Variants in IRAG2 observed in about 807,000 individuals in gnomAD.
The protein encoded by IRAG2 is inositol 1,4,5-triphosphate receptor associated 2.
In IRAG2, 45 loss-of-function variants were observed where a neutral mutation model predicts 69.9. The ratio of observed to expected loss-of-function variants is 0.64; its 90% CI spans 0.51 to 0.83. The LOEUF (loss-of-function observed/expected upper bound fraction) is 0.83. Among genes scored for constraint, IRAG2 ranks in the 40% least tolerant of loss-of-function variants. The pLI is 0.00. For missense variants in IRAG2, 520 were observed against 587.0 expected, an observed-to-expected ratio of 0.89 and a Z score of 1.18; for synonymous variants, 193 against 202.4, an observed-to-expected ratio of 0.95 and a Z score of 0.40.
chr12:25,018,939 A>G (rs1237512871), intron 6 of IRAG2, among the ~76,000 whole-genome samples: 1 of 152,170 alleles, frequency 6.6e-6, no homozygotes, highest in South Asian at 2.1e-4. Context: ...ATATTGTCCA[A>G]TTGTCCCATC....
At chr12:25,022,772 A>G (rs1944591366) in intron 7 of IRAG2, among the ~76,000 whole-genome samples, 1 of 152,260 alleles carries the variant, frequency 6.6e-6, no homozygotes, top group South Asian at 2.1e-4. Context: ...TATGTACTTT[A>G]GAACATCATG....
At chr12:25,065,216 C>G (rs1265731978) in intron 4 of IRAG2, among the ~76,000 whole-genome samples, 1 of 152,118 alleles carries the variant, frequency 6.6e-6, no homozygotes, top group Non-Finnish European at 1.5e-5. Flanking sequence ...ATATAATTAC[C>G]ATTCAAAAGA....
chr12:25,017,329 C>A (rs1944538395), intron 6 of IRAG2: 38 of 1,230,964 alleles, frequency 3.1e-5, no homozygotes, highest in Non-Finnish European at 3.8e-5. Context: ...GGGGAACTTT[C>A]ATTTCTTTTT....
chr12:25,028,874 T>A (rs11047774), intron 9 of IRAG2, among the ~76,000 whole-genome samples: 39,207 of 152,088 alleles, frequency 0.26, 6,262 homozygotes, highest in Admixed American at 0.43. Flanking sequence ...CATCAATTTT[T>A]TAAAAATTAA....
intron 5 of IRAG2, among the ~76,000 whole-genome samples, chr12:25,066,727 A>G (rs1018920405): frequency 6.8e-6 from 1 of 147,794 alleles, no homozygotes; most frequent in South Asian, 2.1e-4. Context: ...CAGTGATGTG[A>G]TCTCGGCTGC....
At chr12:25,069,915 T>G (rs1946225958) in intron 6 of IRAG2, among the ~76,000 whole-genome samples, 1 of 152,116 alleles carries the variant, frequency 6.6e-6, no homozygotes, top group East Asian at 1.9e-4. Context: ...AATGCCACTT[T>G]TCTACCCAAG....
intron 6 of IRAG2, among the ~76,000 whole-genome samples, chr12:25,074,031 G>A (rs1946504551): frequency 6.6e-6 from 1 of 152,216 alleles, no homozygotes; most frequent in East Asian, 1.9e-4. Flanking sequence ...GTAGAATGAA[G>A]CACATCTAGA....
At chr12:25,039,428 G>A (rs762544304) in intron 16 of IRAG2, among the ~76,000 whole-genome samples, 2 of 152,130 alleles carry the variant, frequency 1.3e-5, no homozygotes, top group Admixed American at 6.5e-5. Flanking sequence ...AAAAGGCAGC[G>A]TCAACATTCT....
At chr12:25,099,729 C>T (rs191230628) in intron 15 of IRAG2, among the ~76,000 whole-genome samples, 8 of 152,132 alleles carry the variant, frequency 5.3e-5, no homozygotes, top group South Asian at 2.1e-4. Context: ...TGGCCGGGCG[C>T]GGTGACTCAC....
chr12:25,005,928 A>G (rs983590293), intron 2 of IRAG2, among the ~76,000 whole-genome samples: 3 of 152,204 alleles, frequency 2.0e-5, no homozygotes, highest in Non-Finnish European at 4.4e-5. Context: ...AGAAACTGTC[A>G]ATAGAGTAAA....
chr12:25,005,297 G>A (rs916334980), exon 2 of IRAG2: 1 of 1,231,566 alleles, frequency 8.1e-7, no homozygotes, highest in Non-Finnish European at 1.0e-6. Context: ...CATCAACAGG[G>A]CCTGTAAAGA....
At chr12:25,007,624 T>G (rs570209492) in intron 2 of IRAG2, among the ~76,000 whole-genome samples, 1 of 152,252 alleles carries the variant, frequency 6.6e-6, no homozygotes, top group Non-Finnish European at 1.5e-5. Context: ...CGGGTTCAAG[T>G]GATTCTCCTG....
chr12:25,086,408 C>A (rs1947610072), intron 10 of IRAG2, among the ~76,000 whole-genome samples: 1 of 152,116 alleles, frequency 6.6e-6, no homozygotes, highest in Non-Finnish European at 1.5e-5. Context: ...TGAGACAAGT[C>A]AAATTTCAGG....
intron 3 of IRAG2, among the ~76,000 whole-genome samples, chr12:25,063,106 A>G (rs1263769261): frequency 6.6e-6 from 1 of 152,228 alleles, no homozygotes; most frequent in East Asian, 1.9e-4. Flanking sequence ...TTTGTCGCCC[A>G]GGCTGGAGTG....
intron 6 of IRAG2, among the ~76,000 whole-genome samples, chr12:25,076,098 C>G (rs1460373023): frequency 2.0e-5 from 3 of 152,084 alleles, no homozygotes; most frequent in Non-Finnish European, 4.4e-5. Flanking sequence ...ATCTTCTTTA[C>G]TCTAGTTAGT....
exon 14 of IRAG2, chr12:25,035,740 G>A (rs16928358): frequency 0.012 from 4,867 of 398,968 alleles, 209 homozygotes; most frequent in African/African-American, 0.09. Flanking sequence ...ATTACTAAGA[G>A]AGCCCGCACA....
At chr12:25,081,569 G>A (rs988697569) in intron 9 of IRAG2, among the ~76,000 whole-genome samples, 1 of 152,198 alleles carries the variant, frequency 6.6e-6, no homozygotes, top group African/African-American at 2.4e-5. Context: ...ATAATGTGGA[G>A]AGAAATGTTC....
At chr12:25,026,002 C>T (rs79201730) in intron 8 of IRAG2, among the ~76,000 whole-genome samples, 5,363 of 152,214 alleles carry the variant, frequency 0.035, 195 homozygotes, top group African/African-American at 0.095. Flanking sequence ...ACAAAAATGA[C>T]CTTTGTGTCA....
intron 16 of IRAG2, among the ~76,000 whole-genome samples, chr12:25,038,368 C>A (rs958939844): frequency 6.6e-6 from 1 of 151,730 alleles, no homozygotes; most frequent in African/African-American, 2.4e-5. Flanking sequence ...ACCAGCCAAG[C>A]GCGGTGGCTC....
Sources: allele counts gnomAD v4.1 joint callset (sites outside exome capture counted in the v4.1 genomes callset), GRCh38; gene constraint gnomAD v4.1.1; transcripts MANE v1.5; gene names NCBI Gene and HGNC (gene_info 2026-07-23, HGNC 2026-07-21).